The following RBFOX3 variants were observed in gnomAD, a reference collection of about 807,000 sequenced individuals.
RBFOX3 encodes RNA binding protein fox-1 homolog 3.
Under a neutral mutation model 48.7 loss-of-function variants are expected in RBFOX3, and 17 were observed. That is an observed-to-expected ratio of 0.35 (90% CI 0.24 to 0.52). The LOEUF is 0.52. RBFOX3 is among the 20% of genes least tolerant of loss of function. The pLI, the probability that RBFOX3 is intolerant of heterozygous loss-of-function variation, is 0.94. For synonymous variants in RBFOX3, 212 were observed against 209.5 expected, an observed-to-expected ratio of 1.01 and a Z score of -0.10; for missense variants, 382 against 497.5, an observed-to-expected ratio of 0.77 and a Z score of 2.21.
intron 3 of RBFOX3, among the ~76,000 whole-genome samples, chr17:79,297,474 G>A (rs201396385): frequency 1.8e-4 from 6 of 32,826 alleles, no homozygotes; most frequent in South Asian, 7.6e-4. Context: ...GCCATCCCCC[G>A]GTACCACTGA....
chr17:79,280,124 G>A (rs907481861), intron 3 of RBFOX3, among the ~76,000 whole-genome samples: 29 of 124,458 alleles, frequency 2.3e-4, no homozygotes, highest in South Asian at 5.5e-4. Context: ...ACACACACAC[G>A]CACATACATG....
chr17:79,126,525 G>A (rs546838205), intron 4 of RBFOX3, among the ~76,000 whole-genome samples: 1 of 152,126 alleles, frequency 6.6e-6, no homozygotes, highest in Non-Finnish European at 1.5e-5. Context: ...GGCTGGATCA[G>A]GTGACCTCAT....
At chr17:79,184,093 A>G (rs2052872002) in intron 4 of RBFOX3, among the ~76,000 whole-genome samples, 1 of 133,574 alleles carries the variant, frequency 7.5e-6, no homozygotes, top group Non-Finnish European at 1.6e-5. Flanking sequence ...AGGCCGGCTC[A>G]GTGGCGGGGA....
rs1349134494 is a variant in RBFOX3, at chr17:79,311,094, T to C, written c.-174-3270A>G. On this transcript the variant is annotated intron_variant, in intron 2 of 14. Transcript: ENST00000693108. The surrounding 1 kb of genome is among the most constrained non-coding windows in gnomAD (Gnocchi z 4.2). The stretch of plus-strand genomic sequence containing the variant: ...CTTCATCCGGTCAGTTAAAAGGCCT[T>C]AACAGCAAAAACTAAGGTTCCCTGG... 6.6e-6 allele frequency among the ~76,000 whole-genome samples: 1 copy of C among 152,120 alleles called. No homozygotes were observed. Among genetic ancestry groups the C allele is most frequent in the African/African-American group, 2.4e-5 (1 of 41,424 alleles).
chr17:79,113,069 G>A (rs2032608163), intron 5 of RBFOX3, among the ~76,000 whole-genome samples: 2 of 152,042 alleles, frequency 1.3e-5, no homozygotes, highest in African/African-American at 4.8e-5. Flanking sequence ...TTCCTATCCC[G>A]AAGATCTAGA....
At chr17:79,533,395 T>TA (rs1207236406) in intron 1 of RBFOX3, among the ~76,000 whole-genome samples, 4 of 152,234 alleles carry the variant, frequency 2.6e-5, no homozygotes, top group African/African-American at 9.6e-5. Flanking sequence ...AGGGTGGCGA[T>TA]AAACCCACCC....
chr17:79,425,473 T>C (rs2067197366), intron 2 of RBFOX3, among the ~76,000 whole-genome samples: 1 of 152,232 alleles, frequency 6.6e-6, no homozygotes, highest in Non-Finnish European at 1.5e-5. Context: ...ACTGGAGCCG[T>C]GTCCACAGCT....
At chr17:79,637,392 C>T in the RBFOX3 span, among the ~76,000 whole-genome samples, 21 of 152,206 alleles carry the variant, frequency 1.4e-4, no homozygotes, top group Non-Finnish European at 2.8e-4. Flanking sequence ...GGATAGATCA[C>T]ATGTTAGGTC....
chr17:79,583,613 C>T (rs1186373041), intron 1 of RBFOX3, among the ~76,000 whole-genome samples: 2 of 152,014 alleles, frequency 1.3e-5, no homozygotes, highest in Non-Finnish European at 2.9e-5. Flanking sequence ...AGAGGAGGCA[C>T]TCCAAGCAGG....
chr17:79,180,776 C>T (rs113274040), intron 4 of RBFOX3, among the ~76,000 whole-genome samples: 5,276 of 152,110 alleles, frequency 0.035, 110 homozygotes, highest in Non-Finnish European at 0.046. Context: ...CGGAGTCCAC[C>T]GAGACACATG....
At chr17:79,531,346 G>A (rs2150083800) in intron 1 of RBFOX3, among the ~76,000 whole-genome samples, 1 of 152,310 alleles carries the variant, frequency 6.6e-6, no homozygotes, top group Non-Finnish European at 1.5e-5. Context: ...GCCTGCGTGT[G>A]CGGAGGAGGG....
chr17:79,660,055 C>T, the RBFOX3 span, among the ~76,000 whole-genome samples: 2 of 152,088 alleles, frequency 1.3e-5, no homozygotes, highest in Admixed American at 6.5e-5. Context: ...GGCATGGTGG[C>T]GGGCGCCTGT....
At chr17:79,595,762 C>T (rs1459316815) in intron 1 of RBFOX3, among the ~76,000 whole-genome samples, 3 of 152,220 alleles carry the variant, frequency 2.0e-5, no homozygotes, top group African/African-American at 7.2e-5. Flanking sequence ...CAGCCCTTGG[C>T]CCATGGGCAG....
chr17:79,375,271 C>A (rs912115790), intron 2 of RBFOX3, among the ~76,000 whole-genome samples: 2 of 152,022 alleles, frequency 1.3e-5, no homozygotes, highest in African/African-American at 2.4e-5. Flanking sequence ...TCAACCCACG[C>A]TGCAGAGACT....
chr17:79,113,847 G>C (rs1482268661), intron 5 of RBFOX3, among the ~76,000 whole-genome samples: 1 of 151,720 alleles, frequency 6.6e-6, no homozygotes, highest in Admixed American at 6.6e-5. Context: ...CACGGCAGGT[G>C]CTCAGCAAAT....
chr17:79,541,948 G>A lies in RBFOX3; in HGVS notation c.-319-59350C>T, dbSNP rs1290353935. Among the ~76,000 whole-genome samples the A allele has an allele frequency of 3.9e-5, 6 of 152,162 alleles. No individual in the cohort carries two copies. In the East Asian group the frequency reaches 9.7e-4, roughly 25 times the overall value. ...CACGGGGCTCCTCCAGGGTCCCCACGCACTGGCTGCCGGGGCCTTCCCTCG... is the reference window on the plus strand; with the variant it reads ...CACGGGGCTCCTCCAGGGTCCCCACACACTGGCTGCCGGGGCCTTCCCTCG... On this transcript the variant is annotated intron_variant, in intron 1 of 14. Coordinates refer to ENST00000693108, the MANE Select transcript of RBFOX3 (RefSeq NM_001350451.2).
At chr17:79,548,146 T>A (rs1599119595) in intron 1 of RBFOX3, among the ~76,000 whole-genome samples, 2 of 152,232 alleles carry the variant, frequency 1.3e-5, no homozygotes, top group East Asian at 3.9e-4. Flanking sequence ...GCACGGGCTG[T>A]GCCTCCCTTA....
Position 79,212,909 on chromosome 17 carries a change from C to G in RBFOX3, c.-34+22857G>C, listed in dbSNP as rs768781706. ...TGGCTCTGTTGCCCAGGCTGGAGTG[C>G]AGTGGCGCAATCTCAGATCACTGCA... On this transcript the variant is annotated intron_variant, in intron 4 of 14. Coordinates refer to ENST00000693108, the MANE Select transcript of RBFOX3 (RefSeq NM_001350451.2). This position sits in a 1 kb window ranked among gnomAD's most constrained non-coding sequence, Gnocchi z 4.7. Among the ~76,000 whole-genome samples the G allele has an allele frequency of 9.9e-5, 15 of 152,134 alleles. No homozygotes were observed. Among genetic ancestry groups the G allele is most frequent in the Admixed American group, 2.6e-4 (4 of 15,284 alleles).
intron 3 of RBFOX3, among the ~76,000 whole-genome samples, chr17:79,283,677 C>T (rs1343212642): frequency 2.0e-5 from 3 of 152,224 alleles, no homozygotes; most frequent in Non-Finnish European, 4.4e-5. Context: ...CAGGACCTGC[C>T]TTTTCTAGAC....
Sources: allele counts gnomAD v4.1 joint callset (sites outside exome capture counted in the v4.1 genomes callset), GRCh38; gene constraint gnomAD v4.1.1; non-coding constraint Gnocchi (gnomAD v3.1); transcripts MANE v1.5; gene names NCBI Gene and HGNC (gene_info 2026-07-23, HGNC 2026-07-21).